Variants in PTPRN2 observed in about 807,000 individuals in gnomAD.
The protein encoded by PTPRN2 is protein tyrosine phosphatase receptor type N2, also known as receptor-type tyrosine-protein phosphatase N2.
PTPRN2 carries 74 observed loss-of-function variants against 118.8 expected under a neutral mutation model. The ratio of observed to expected loss-of-function variants is 0.62; its 90% CI spans 0.52 to 0.76. The LOEUF (loss-of-function observed/expected upper bound fraction) is 0.76, where lower values mean the gene tolerates loss of function less well. PTPRN2 is among the 30% of genes least tolerant of loss of function. The probability of loss-of-function intolerance (pLI) is 0.00; values close to 1 mark genes in which losing one functional copy is unlikely to be tolerated. For missense variants in PTPRN2, 1,481 were observed against 1,394.4 expected, an observed-to-expected ratio of 1.06 and a Z score of -0.99; for synonymous variants, 641 against 608.0, an observed-to-expected ratio of 1.05 and a Z score of -0.80.
chr7:158,245,045 G>A (rs560364738), intron 3 of PTPRN2, among the ~76,000 whole-genome samples: 24 of 152,254 alleles, frequency 1.6e-4, no homozygotes, highest in South Asian at 4.1e-4. Context: ...CTCGTGAGGC[G>A]GCGGTGGGCA....
chr7:158,137,711 C>T (rs1189028882), intron 7 of PTPRN2, among the ~76,000 whole-genome samples: 1 of 152,202 alleles, frequency 6.6e-6, no homozygotes, highest in Non-Finnish European at 1.5e-5. Flanking sequence ...AGGGGCACGT[C>T]TGTCATTTGG....
chr7:158,578,537 T>TAA (rs59811856), intron 1 of PTPRN2, among the ~76,000 whole-genome samples: 2,761 of 125,834 alleles, frequency 0.022, 70 homozygotes, highest in Middle Eastern at 0.052. Context: ...CCTGTCTCTG[T>TAA]AAAAAAAAAA....
rs58976504 is a variant in PTPRN2 at position 157,701,598 on chromosome 7, G to A, written c.1789-18661C>T. Among the ~76,000 whole-genome samples, 123 of 152,294 alleles carry A rather than the reference G, an allele frequency of 8.1e-4. 1 individual carries two copies. The highest frequency in any genetic ancestry group is 2.6e-3 in the African/African-American group (110 of 41,556). On this transcript the variant is annotated intron_variant, in intron 12 of 22. Transcript: ENST00000389418. ...GGGGCGTCTCCTCCTGTCACTCAGC[G>A]CTGCCCCCAGACCCTTCCTACCCGA...
chr7:158,027,452 G>C (rs920530635), intron 11 of PTPRN2: 2 of 152,282 alleles, frequency 1.3e-5, no homozygotes, highest in Non-Finnish European at 2.9e-5. Flanking sequence ...GGAGCAGCCT[G>C]AGAGTGCTCA....
chr7:157,917,230 C>T (rs1207308282), intron 11 of PTPRN2, among the ~76,000 whole-genome samples: 4 of 152,252 alleles, frequency 2.6e-5, no homozygotes, highest in East Asian at 1.9e-4. Context: ...TGTTGCAAAC[C>T]GCTCTCTCTC....
intron 2 of PTPRN2, among the ~76,000 whole-genome samples, chr7:158,336,695 A>C (rs1805618641): frequency 7.6e-6 from 1 of 131,818 alleles, no homozygotes; most frequent in South Asian, 2.5e-4. Flanking sequence ...ACGCCCGCAG[A>C]CGTCACTCAC....
chr7:157,854,192 C>G (rs1022082705), intron 12 of PTPRN2, among the ~76,000 whole-genome samples: 3 of 152,256 alleles, frequency 2.0e-5, no homozygotes, highest in Admixed American at 2.0e-4. Context: ...CGATGCAGCA[C>G]TGACTCCCTG....
At chr7:158,094,942 T>G (rs1814510627) in intron 10 of PTPRN2, among the ~76,000 whole-genome samples, 1 of 152,154 alleles carries the variant, frequency 6.6e-6, no homozygotes, top group Non-Finnish European at 1.5e-5. Context: ...GGCTGCTAAC[T>G]CCCGAAGGCA....
intron 15 of PTPRN2, among the ~76,000 whole-genome samples, chr7:157,604,960 A>C (rs1320855833): frequency 6.6e-6 from 1 of 152,230 alleles, no homozygotes; most frequent in Non-Finnish European, 1.5e-5. Flanking sequence ...TGCACCTCCC[A>C]ACTCCCTGGT....
intron 11 of PTPRN2, among the ~76,000 whole-genome samples, chr7:157,940,707 C>CT (rs1800013175): frequency 6.9e-6 from 1 of 144,820 alleles, no homozygotes; most frequent in Non-Finnish European, 1.5e-5. Context: ...CTAACGCCCC[C>CT]CCGTGACACT....
intron 14 of PTPRN2, among the ~76,000 whole-genome samples, chr7:157,646,619 CCTTGCACAGGGGAGGCT>C (rs1805090698): frequency 6.6e-6 from 1 of 152,158 alleles, no homozygotes; most frequent in Admixed American, 6.5e-5. Flanking sequence ...CAGGGGAGGC[CCTTGCACAGGGGAGGCT>C]GGGTCCCACT....
chr7:158,115,453 T>G (rs1816655705), intron 9 of PTPRN2, among the ~76,000 whole-genome samples: 1 of 152,138 alleles, frequency 6.6e-6, no homozygotes, highest in Admixed American at 6.5e-5. Context: ...TGAAGCAGGC[T>G]GCTATGAACT....
intron 5 of PTPRN2, among the ~76,000 whole-genome samples, chr7:158,189,761 C>G (rs952294047): frequency 2.6e-5 from 4 of 152,214 alleles, no homozygotes; most frequent in Admixed American, 2.6e-4. Flanking sequence ...GTCACGGCGC[C>G]GTTACAGAAG....
At chr7:158,204,257 G>GC in intron 4 of PTPRN2, among the ~76,000 whole-genome samples, 1 of 152,016 alleles carries the variant, frequency 6.6e-6, no homozygotes, top group East Asian at 1.9e-4. Flanking sequence ...GAAAGACGCA[G>GC]CCCCCGCCCT....
intron 15 of PTPRN2, 137 bp from the exon 16 acceptor site, chr7:157,604,212 G>GAT: frequency 3.9e-6 from 3 of 770,042 alleles, no homozygotes; most frequent in Non-Finnish European, 6.3e-6. Flanking sequence ...ACAGCAGTGT[G>GAT]GGACTCCCAA....
At chr7:158,239,004 C>G (rs1795738358) in intron 3 of PTPRN2, among the ~76,000 whole-genome samples, 1 of 152,182 alleles carries the variant, frequency 6.6e-6, no homozygotes, top group Admixed American at 6.5e-5. Flanking sequence ...GCCTCAGAGG[C>G]TCTCGTGAGG....
rs1803514326 is a variant in PTPRN2 at position 157,779,009 on chromosome 7, A to C, written c.1789-96072T>G. On this transcript the variant is annotated intron_variant, in intron 12 of 22. Coordinates refer to ENST00000389418, the MANE Select transcript of PTPRN2 (RefSeq NM_002847.5). The surrounding 1 kb of genome is among the most constrained non-coding windows in gnomAD (Gnocchi z 4.7). Reference sequence around the variant, plus strand: ...TGGAAACGGGCCACAGCGCTCAAGCAGAGCTCCGCTCACAGCCAGGTGGCC... The same window carrying C: ...TGGAAACGGGCCACAGCGCTCAAGCCGAGCTCCGCTCACAGCCAGGTGGCC... 6.6e-6 allele frequency among the ~76,000 whole-genome samples: 1 copy of C among 152,236 alleles called. No homozygotes were observed. The highest frequency in any genetic ancestry group is 1.5e-5 in the Non-Finnish European group (1 of 68,032).
At chr7:157,770,618 T>C (rs1169232173) in intron 12 of PTPRN2, among the ~76,000 whole-genome samples, 1 of 152,216 alleles carries the variant, frequency 6.6e-6, no homozygotes, top group Non-Finnish European at 1.5e-5. Flanking sequence ...TAGGGGAGCT[T>C]ATTTTGCCCA....
intron 3 of PTPRN2, among the ~76,000 whole-genome samples, chr7:158,300,907 G>T (rs141032074): frequency 6.6e-6 from 1 of 152,084 alleles, no homozygotes; most frequent in South Asian, 2.1e-4. Flanking sequence ...CATTTCCACC[G>T]CTGTAATGAG....
Sources: gnomAD v4.1 joint callset for allele counts (sites outside exome capture counted in the v4.1 genomes callset) on GRCh38, gnomAD v4.1.1 for gene constraint, Gnocchi (gnomAD v3.1) non-coding constraint, MANE v1.5 for transcripts, NCBI Gene and HGNC (gene_info 2026-07-23, HGNC 2026-07-21) for gene names.